The following CELF2 variants were observed in gnomAD, a reference collection of about 807,000 sequenced individuals.
The protein encoded by CELF2 is CUGBP Elav-like family member 2, also known as CUG triplet repeat RNA-binding protein 2.
A neutral mutation model predicts 62.6 loss-of-function variants in CELF2; 8 were observed. That is an observed-to-expected ratio of 0.13 (90% CI 0.07 to 0.23). The LOEUF is 0.23. Among genes scored for constraint, CELF2 ranks in the 10% least tolerant of loss-of-function variants. CELF2 has a pLI of 1.00. For synonymous variants in CELF2, 258 were observed against 250.0 expected, an observed-to-expected ratio of 1.03 and a Z score of -0.30; for missense variants, 333 against 671.0, an observed-to-expected ratio of 0.50 and a Z score of 5.56.
chr10:10,784,719 T>G, the CELF2 span: 1 of 152,114 alleles, frequency 6.6e-6, no homozygotes, highest in Non-Finnish European at 1.5e-5. Flanking sequence ...TAGGGAGGTG[T>G]GATGGGGCAA....
At chr10:10,596,365 A>T in the CELF2 span, among the ~76,000 whole-genome samples, 1 of 152,178 alleles carries the variant, frequency 6.6e-6, no homozygotes, top group Non-Finnish European at 1.5e-5. Flanking sequence ...GGTTTAGAAC[A>T]TGGTTGCAGA....
At chr10:10,594,704 G>A in the CELF2 span, among the ~76,000 whole-genome samples, 28 of 152,218 alleles carry the variant, frequency 1.8e-4, no homozygotes, top group Non-Finnish European at 3.7e-4. Context: ...CTAGGGGAGT[G>A]TTGGGTACTA....
chr10:10,571,155 A>G, the CELF2 span, among the ~76,000 whole-genome samples: 1 of 152,244 alleles, frequency 6.6e-6, no homozygotes, highest in Non-Finnish European at 1.5e-5. Context: ...GAGGACTGAA[A>G]AAAACATAAA....
At chr10:10,686,876 GA>G in the CELF2 span, among the ~76,000 whole-genome samples, 2 of 152,316 alleles carry the variant, frequency 1.3e-5, no homozygotes, top group Non-Finnish European at 2.9e-5. Context: ...CTACTGGGAT[GA>G]CTGGTCCCAT....
intron 1 of CELF2, among the ~76,000 whole-genome samples, chr10:10,887,221 G>T (rs1016351311): frequency 6.6e-6 from 1 of 151,168 alleles, no homozygotes; most frequent in African/African-American, 2.4e-5. Flanking sequence ...ACATCATCCC[G>T]TAAGCATTTC....
rs2065714799 is a variant in CELF2, at chr10:10,928,058, CACTT to C, written c.89+8064_89+8067del. Among the ~76,000 whole-genome samples, 1 of 152,204 alleles carries C rather than the reference CACTT, an allele frequency of 6.6e-6. No individual in the cohort carries two copies. On this transcript the variant is annotated intron_variant, in intron 2 of 13. Coordinates refer to the CELF2 transcript ENST00000636488. The surrounding 1 kb of genome is among the most constrained non-coding windows in gnomAD (Gnocchi z 4.8). ...CTTCTGACACACCGGCCTTTCTCCGCACTTACTTCCACAGAAAGTTCTCCTTTCA... is the reference window on the plus strand; with the variant it reads ...CTTCTGACACACCGGCCTTTCTCCGCACTTCCACAGAAAGTTCTCCTTTCA...
chr10:10,480,276 A>G, the CELF2 span, among the ~76,000 whole-genome samples: 1 of 152,198 alleles, frequency 6.6e-6, no homozygotes, highest in South Asian at 2.1e-4. Context: ...TGAAGGACCT[A>G]TGACCTCCAT....
the CELF2 span, among the ~76,000 whole-genome samples, chr10:10,721,698 A>G: frequency 1.1e-4 from 16 of 152,224 alleles, no homozygotes; most frequent in African/African-American, 3.9e-4. Flanking sequence ...CCACTGATAT[A>G]TCCACTTCCC....
chr10:11,135,796 G>A (rs1370028104), intron 1 of CELF2, among the ~76,000 whole-genome samples: 1 of 152,206 alleles, frequency 6.6e-6, no homozygotes, highest in Non-Finnish European at 1.5e-5. Flanking sequence ...CAAAGGGATA[G>A]GGCTAGCACT....
the CELF2 span, among the ~76,000 whole-genome samples, chr10:10,737,410 T>A: frequency 6.6e-6 from 1 of 152,176 alleles, no homozygotes; most frequent in Non-Finnish European, 1.5e-5. Flanking sequence ...AGCTCTTTCC[T>A]GGGCTACCTT....
At chr10:11,070,237 A>G (rs2069450692) in intron 1 of CELF2, among the ~76,000 whole-genome samples, 1 of 152,172 alleles carries the variant, frequency 6.6e-6, no homozygotes, top group Non-Finnish European at 1.5e-5. Context: ...CAACACATGC[A>G]AAGGACTCAG....
chr10:10,755,638 G>C, the CELF2 span, among the ~76,000 whole-genome samples: 1 of 152,226 alleles, frequency 6.6e-6, no homozygotes, highest in Non-Finnish European at 1.5e-5. Flanking sequence ...CTTCTCAGAA[G>C]AGTGAGGAAC....
the CELF2 span, among the ~76,000 whole-genome samples, chr10:10,590,809 C>T: frequency 6.6e-6 from 1 of 152,198 alleles, no homozygotes; most frequent in Non-Finnish European, 1.5e-5. Context: ...TTGCTAAAAT[C>T]TAGGCTCTGG....
chr10:10,738,701 A>T, the CELF2 span, among the ~76,000 whole-genome samples: 1 of 152,212 alleles, frequency 6.6e-6, no homozygotes, highest in Non-Finnish European at 1.5e-5. Flanking sequence ...ATACCTGACT[A>T]GTTCTTCTTA....
intron 1 of CELF2, among the ~76,000 whole-genome samples, chr10:11,067,028 G>A (rs1564596204): frequency 6.6e-6 from 1 of 152,058 alleles, no homozygotes; most frequent in South Asian, 2.1e-4. Flanking sequence ...ACCTGAATTC[G>A]CAACTTTGAC....
intron 1 of CELF2, among the ~76,000 whole-genome samples, chr10:10,806,203 C>CTTTTTT (rs112165245): frequency 8.5e-5 from 12 of 141,442 alleles, no homozygotes; most frequent in Non-Finnish European, 7.6e-5. Flanking sequence ...TTCCAGTGTT[C>CTTTTTT]TTTTTTTTTT....
intron 1 of CELF2, among the ~76,000 whole-genome samples, chr10:11,103,312 GCTTT>G (rs2052338146): frequency 6.7e-6 from 1 of 148,228 alleles, no homozygotes; most frequent in South Asian, 2.2e-4. Context: ...TTGCTCCGAT[GCTTT>G]CTTGTACATT....
intron 1 of CELF2, among the ~76,000 whole-genome samples, chr10:10,912,309 A>G (rs2063882761): frequency 6.6e-6 from 1 of 152,176 alleles, no homozygotes; most frequent in Non-Finnish European, 1.5e-5. Context: ...TATTCTATAT[A>G]ATGTAGGAAT....
At chr10:11,103,393 A>G (rs368995366) in intron 1 of CELF2, among the ~76,000 whole-genome samples, 2 of 146,478 alleles carry the variant, frequency 1.4e-5, no homozygotes, top group African/African-American at 5.1e-5. Flanking sequence ...TTTCACTTAC[A>G]TTTTTATTAA....
Sources: allele counts gnomAD v4.1 joint callset (sites outside exome capture counted in the v4.1 genomes callset), GRCh38; gene constraint gnomAD v4.1.1; non-coding constraint Gnocchi (gnomAD v3.1); transcripts MANE v1.5; gene names NCBI Gene and HGNC (gene_info 2026-07-23, HGNC 2026-07-21).